Variants in CDH12 observed in about 807,000 individuals in gnomAD.
CDH12 encodes the protein cadherin-12.
In CDH12, 41 loss-of-function variants were observed where a neutral mutation model predicts 74.1. The ratio of observed to expected loss-of-function variants is 0.55; its 90% CI spans 0.43 to 0.72. CDH12 has a LOEUF of 0.72. Ranked by LOEUF, CDH12 falls within the 30% of genes least tolerant of loss-of-function variation. The probability of loss-of-function intolerance (pLI) is 0.00; values close to 1 mark genes in which losing one functional copy is unlikely to be tolerated. For missense variants in CDH12, 945 were observed against 977.2 expected (o/e 0.97, Z 0.44); for synonymous variants, 399 against 355.0 (o/e 1.12, Z -1.39).
chr5:22,456,620 C>A (rs962966047), intron 2 of CDH12, among the ~76,000 whole-genome samples: 2 of 139,286 alleles, frequency 1.4e-5, no homozygotes, highest in African/African-American at 5.3e-5. Context: ...TCTTCTAAAT[C>A]TGAAAGTCTT....
chr5:21,955,188 G>C (rs556052375), intron 6 of CDH12, among the ~76,000 whole-genome samples: 3 of 151,898 alleles, frequency 2.0e-5, no homozygotes, highest in African/African-American at 7.2e-5. Context: ...AAAAAAAATA[G>C]GCACTTGCAA....
At chr5:22,710,459 G>T (rs560901379) in intron 1 of CDH12, among the ~76,000 whole-genome samples, 1 of 152,082 alleles carries the variant, frequency 6.6e-6, no homozygotes, top group East Asian at 1.9e-4. Flanking sequence ...GTTGACAACC[G>T]AGGTACACAA....
chr5:22,441,455 C>A (rs1355540163), intron 2 of CDH12, among the ~76,000 whole-genome samples: 3 of 152,074 alleles, frequency 2.0e-5, no homozygotes. Flanking sequence ...GTGTGCTTGA[C>A]AATCCATAAA....
At chr5:22,707,935 T>C (rs906807152) in intron 1 of CDH12, among the ~76,000 whole-genome samples, 4 of 152,086 alleles carry the variant, frequency 2.6e-5, no homozygotes, top group African/African-American at 9.7e-5. Context: ...CTTTGAAAAA[T>C]AAGAGTTTTT....
rs80086929 is a variant in CDH12 at position 22,840,954 on chromosome 5, C to T, written c.-523+12104G>A. On this transcript the variant is annotated intron_variant, in intron 1 of 14. Transcript: ENST00000382254. ...GAAAAGCAAGAAGAGTTGGACAGAG[C>T]TGCAGAAGAACAAGGGGAAGGATGC... Among the ~76,000 whole-genome samples the T allele has an allele frequency of 4.6e-3, 706 of 152,156 alleles. 9 individuals carry two copies. The highest frequency in any genetic ancestry group is 0.016 in the African/African-American group (673 of 41,514).
At chr5:22,699,072 A>T (rs76176593) in intron 1 of CDH12, among the ~76,000 whole-genome samples, 3,624 of 152,118 alleles carry the variant, frequency 0.024, 112 homozygotes, top group African/African-American at 0.074. Flanking sequence ...AAGAAATAAA[A>T]TGCTATAAGC....
chr5:21,797,785 G>T (rs1746872440), intron 10 of CDH12, among the ~76,000 whole-genome samples: 1 of 152,088 alleles, frequency 6.6e-6, no homozygotes. Context: ...TTTGGAACGT[G>T]TATCTTTACC....
intron 6 of CDH12, among the ~76,000 whole-genome samples, chr5:21,861,602 C>T (rs1751048219): frequency 4.6e-5 from 7 of 152,030 alleles, no homozygotes; most frequent in Admixed American, 4.6e-4. Context: ...AAATCCATCT[C>T]ACAATTTTTA....
intron 5 of CDH12, among the ~76,000 whole-genome samples, chr5:22,058,234 T>G (rs1740889011): frequency 6.6e-6 from 1 of 152,044 alleles, no homozygotes; most frequent in Non-Finnish European, 1.5e-5. Context: ...TTTTTTGTAT[T>G]TTAGTAGAGA....
At chr5:22,382,425 C>G (rs1200860772) in intron 3 of CDH12, among the ~76,000 whole-genome samples, 2 of 151,850 alleles carry the variant, frequency 1.3e-5, no homozygotes, top group African/African-American at 4.8e-5. Context: ...AAGTCCCTGA[C>G]TGTTACCGGG....
chr5:22,736,226 A>C (rs187244722), intron 1 of CDH12, among the ~76,000 whole-genome samples: 3 of 151,932 alleles, frequency 2.0e-5, no homozygotes, highest in African/African-American at 7.2e-5. Context: ...CCATTAATTA[A>C]TTAGTGTATA....
At chr5:22,650,869 T>C (rs1033872558) in intron 1 of CDH12, among the ~76,000 whole-genome samples, 4 of 151,994 alleles carry the variant, frequency 2.6e-5, no homozygotes, top group African/African-American at 9.7e-5. Context: ...CATTAGCCTA[T>C]TTGATGGGGA....
intron 5 of CDH12, among the ~76,000 whole-genome samples, chr5:22,034,367 A>C (rs1345407212): frequency 6.6e-6 from 1 of 152,210 alleles, no homozygotes; most frequent in Non-Finnish European, 1.5e-5. Flanking sequence ...ATAAAAGATT[A>C]GAACATTATT....
chr5:22,085,166 G>C (rs954412762), intron 4 of CDH12, among the ~76,000 whole-genome samples: 1 of 141,418 alleles, frequency 7.1e-6, no homozygotes, highest in Non-Finnish European at 1.5e-5. Flanking sequence ...ATCCCTTTTA[G>C]CAGGAGGGAT....
chr5:22,362,751 A>C (rs1740867293), intron 3 of CDH12, among the ~76,000 whole-genome samples: 1 of 152,044 alleles, frequency 6.6e-6, no homozygotes, highest in Admixed American at 6.6e-5. Context: ...CTATGCAGCC[A>C]TAAAAAAGGA....
chr5:21,795,818 C>T (rs189225625), intron 10 of CDH12, among the ~76,000 whole-genome samples: 9 of 152,084 alleles, frequency 5.9e-5, no homozygotes, highest in Admixed American at 3.9e-4. Context: ...GCTAAGATTT[C>T]TGTCATATTG....
chr5:21,924,087 C>T (rs1410728412), intron 6 of CDH12, among the ~76,000 whole-genome samples: 2 of 152,090 alleles, frequency 1.3e-5, no homozygotes, highest in Non-Finnish European at 2.9e-5. Context: ...TGTAACAACA[C>T]CACTAATGCA....
At position 22,849,339 on chromosome 5, in the gene CDH12, A is replaced by G. The variant is rs1031629010; in HGVS notation, c.-523+3719T>C. On this transcript the variant is annotated intron_variant, in intron 1 of 14. Transcript: ENST00000382254. The stretch of plus-strand genomic sequence containing the variant: ...TTCCACATCATCATGTAGACGGTGC[A>G]TCAGGACTCTCATCTTTGTACATGG... Among the ~76,000 whole-genome samples the G allele has an allele frequency of 3.0e-4, 46 of 152,184 alleles. 1 individual carries two copies. The highest frequency in any genetic ancestry group is 3.9e-4 in the Admixed American group (6 of 15,274).
At chr5:21,882,357 A>C (rs1467569817) in intron 6 of CDH12, among the ~76,000 whole-genome samples, 1 of 152,232 alleles carries the variant, frequency 6.6e-6, no homozygotes, top group Non-Finnish European at 1.5e-5. Context: ...TATTTTTATT[A>C]CTTTATCAGT....
Sources: gnomAD v4.1 joint callset for allele counts (sites outside exome capture counted in the v4.1 genomes callset) on GRCh38, gnomAD v4.1.1 for gene constraint, MANE v1.5 for transcripts, NCBI Gene and HGNC (gene_info 2026-07-23, HGNC 2026-07-21) for gene names.